The following SEMA3A variants were observed in gnomAD, a reference collection of about 807,000 sequenced individuals.
SEMA3A encodes the protein semaphorin-3A.
SEMA3A carries 29 observed loss-of-function variants against 97.9 expected under a neutral mutation model. The observed-to-expected ratio is 0.30, with a 90% CI of 0.22 to 0.40. SEMA3A has a LOEUF of 0.40. Among genes scored for constraint, SEMA3A ranks in the 10% least tolerant of loss-of-function variants. The pLI is 1.00. For missense variants in SEMA3A, 763 were observed against 951.3 expected (o/e 0.80, Z 2.60); for synonymous variants, 321 against 323.7 (o/e 0.99, Z 0.09).
intron 6 of SEMA3A, among the ~76,000 whole-genome samples, chr7:84,023,369 A>G (rs1334361039): frequency 6.6e-6 from 1 of 152,186 alleles, no homozygotes; most frequent in African/African-American, 2.4e-5. Context: ...AAGAACAAAA[A>G]TATTTTTTCT....
At chr7:84,203,520 A>ATTTTTTTT (rs1158876783) in intron 3 of SEMA3A, among the ~76,000 whole-genome samples, 1 of 50,206 alleles carries the variant, frequency 2.0e-5, no homozygotes, top group African/African-American at 7.5e-5. Context: ...ATATATATAT[A>ATTTTTTTT]TATATATTTT....
At chr7:84,117,705 G>A (rs1016269820) in intron 3 of SEMA3A, among the ~76,000 whole-genome samples, 5 of 152,118 alleles carry the variant, frequency 3.3e-5, no homozygotes, top group African/African-American at 4.8e-5. Flanking sequence ...TTTTTGGCCT[G>A]TGAAAAAATT....
intron 1 of SEMA3A, among the ~76,000 whole-genome samples, chr7:84,172,802 A>G (rs909846959): frequency 4.6e-5 from 7 of 152,212 alleles, no homozygotes; most frequent in African/African-American, 1.7e-4. Flanking sequence ...GGCTGGATTT[A>G]GCCCACAGAC....
intron 1 of SEMA3A, among the ~76,000 whole-genome samples, chr7:84,141,267 TACTA>T (rs1448177734): frequency 2.6e-5 from 4 of 152,162 alleles, no homozygotes; most frequent in South Asian, 2.1e-4. Flanking sequence ...CCTGATCTGT[TACTA>T]ACTTTTACCT....
At chr7:84,103,785 T>C (rs1795026626) in intron 4 of SEMA3A, among the ~76,000 whole-genome samples, 1 of 152,056 alleles carries the variant, frequency 6.6e-6, no homozygotes, top group Admixed American at 6.6e-5. Context: ...AAAGAAGGAT[T>C]ATGAAGGCTG....
chr7:84,061,482 T>C (rs1365897217), intron 4 of SEMA3A, among the ~76,000 whole-genome samples: 1 of 152,140 alleles, frequency 6.6e-6, no homozygotes, highest in Non-Finnish European at 1.5e-5. Flanking sequence ...CCAAGTGCCC[T>C]GGGAATTAAT....
chr7:84,253,619 G>A (rs1304552309), intron 3 of SEMA3A, among the ~76,000 whole-genome samples: 1 of 152,116 alleles, frequency 6.6e-6, no homozygotes, highest in African/African-American at 2.4e-5. Context: ...GCAAAGTTGG[G>A]GTGGTTCTTC....
chr7:84,271,877 G>T (rs1478571273), intron 3 of SEMA3A, among the ~76,000 whole-genome samples: 1 of 152,026 alleles, frequency 6.6e-6, no homozygotes, highest in African/African-American at 2.4e-5. Context: ...CTAATAAAAA[G>T]CTTCACCTAG....
chr7:84,270,293 G>A (rs13245457), intron 3 of SEMA3A, among the ~76,000 whole-genome samples: 52,350 of 151,708 alleles, frequency 0.35, 10,227 homozygotes, highest in Non-Finnish European at 0.46. Context: ...ACACACATCT[G>A]TATAGTTTGC....
intron 3 of SEMA3A, among the ~76,000 whole-genome samples, chr7:84,209,946 T>G (rs1798585885): frequency 6.6e-6 from 1 of 152,210 alleles, no homozygotes; most frequent in African/African-American, 2.4e-5. Flanking sequence ...TCTACCATTC[T>G]TATTATTTTG....
In SEMA3A at chr7:83,977,114, A is replaced by G; in HGVS notation, c.1717+18T>C. 2 of 1,496,660 alleles carry G rather than the reference A, an allele frequency of 1.3e-6. No individual in the cohort carries two copies. Among genetic ancestry groups the G allele is most frequent in the Non-Finnish European group, 1.8e-6 (2 of 1,103,678 alleles). The allele number at this position is 1,496,660 out of a possible 1,614,324, so 92.7% of individuals were successfully genotyped here. A position where few individuals can be genotyped will look rare whatever the true frequency, so the allele number is the denominator to read the frequency against. ...TAGCCTGGTCTTAGCAGGTTGAAAGATGAAAAATGTGACTTACCATGGTGT... is the reference window on the plus strand; with the variant it reads ...TAGCCTGGTCTTAGCAGGTTGAAAGGTGAAAAATGTGACTTACCATGGTGT... On this transcript the variant is annotated intron_variant, in intron 15 of 16. Transcript: ENST00000265362.
chr7:84,266,644 G>A (rs556959792), intron 3 of SEMA3A, among the ~76,000 whole-genome samples: 296 of 152,200 alleles, frequency 1.9e-3, no homozygotes, highest in South Asian at 2.7e-3. Flanking sequence ...GAAAAGAAAC[G>A]TAAGGTGCCA....
intron 5 of SEMA3A, among the ~76,000 whole-genome samples, chr7:84,060,183 TG>T (rs1793156216): frequency 6.6e-6 from 1 of 152,156 alleles, no homozygotes; most frequent in Admixed American, 6.6e-5. Flanking sequence ...GGTAACACAA[TG>T]GGTCTCTGCC....
intron 3 of SEMA3A, among the ~76,000 whole-genome samples, chr7:84,300,187 CAATT>C (rs139188322): frequency 0.01 from 1,515 of 150,608 alleles, 34 homozygotes; most frequent in African/African-American, 0.035. Context: ...ATTAGTGGAT[CAATT>C]AAAGAAGTCA....
At chr7:84,143,716 G>T (rs1201333688) in intron 1 of SEMA3A, among the ~76,000 whole-genome samples, 1 of 151,460 alleles carries the variant, frequency 6.6e-6, no homozygotes. Context: ...GTTGCTGTGC[G>T]TGCTTCAGGC....
At chr7:84,408,899 T>G (rs1391037511) in intron 1 of SEMA3A, among the ~76,000 whole-genome samples, 1 of 151,364 alleles carries the variant, frequency 6.6e-6, no homozygotes, top group Admixed American at 6.6e-5. Context: ...TGTTGTGGGG[T>G]TGGGGGAGCG....
chr7:84,323,783 C>A (rs1342323470), intron 2 of SEMA3A, among the ~76,000 whole-genome samples: 2 of 152,034 alleles, frequency 1.3e-5, no homozygotes, highest in Admixed American at 1.3e-4. Context: ...GCAACACAGG[C>A]TAAGAATTTT....
intron 5 of SEMA3A, among the ~76,000 whole-genome samples, chr7:84,055,314 C>G (rs545510879): frequency 2.0e-5 from 3 of 152,330 alleles, no homozygotes; most frequent in Non-Finnish European, 4.4e-5. Context: ...TCGCTGCGGC[C>G]TTGCAGTTTG....
At chr7:84,179,345 G>A (rs144509872) in intron 1 of SEMA3A, among the ~76,000 whole-genome samples, 1 of 152,206 alleles carries the variant, frequency 6.6e-6, no homozygotes, top group Non-Finnish European at 1.5e-5. Context: ...TTAATTTGTT[G>A]TTTCTCAGAT....
Sources: allele counts gnomAD v4.1 joint callset (sites outside exome capture counted in the v4.1 genomes callset), GRCh38; gene constraint gnomAD v4.1.1; transcripts MANE v1.5; gene names NCBI Gene and HGNC (gene_info 2026-07-23, HGNC 2026-07-21).